Variants in TMEM182 observed in about 807,000 individuals in gnomAD.
TMEM182 encodes transmembrane protein 182.
A neutral mutation model predicts 26.8 loss-of-function variants in TMEM182; 20 were observed. That is an observed-to-expected ratio of 0.75 (90% CI 0.53 to 1.09). The LOEUF (loss-of-function observed/expected upper bound fraction) is 1.09. TMEM182 is among the 50% of genes least tolerant of loss of function. TMEM182 has a pLI of 0.00. For synonymous variants in TMEM182, 109 were observed against 102.2 expected (o/e 1.07, Z -0.40); for missense variants, 277 against 275.5 (o/e 1.01, Z -0.04).
intron 3 of TMEM182, among the ~76,000 whole-genome samples, chr2:102,771,066 G>T (rs887991): frequency 6.6e-6 from 1 of 151,924 alleles, no homozygotes; most frequent in Non-Finnish European, 1.5e-5. Flanking sequence ...GGGTGTTCAT[G>T]TATGGGGATT....
chr2:102,800,859 A>C (rs1682095902), intron 4 of TMEM182, among the ~76,000 whole-genome samples: 1 of 151,146 alleles, frequency 6.6e-6, no homozygotes, highest in East Asian at 1.9e-4. Context: ...GCTTTGAAAA[A>C]AAATTGTTGG....
At chr2:102,811,747 A>G (rs1682562611) in intron 4 of TMEM182, among the ~76,000 whole-genome samples, 2 of 152,220 alleles carry the variant, frequency 1.3e-5, no homozygotes, top group East Asian at 1.9e-4. Context: ...AGTTTAAGCT[A>G]TGGGAGGCCC....
chr2:102,817,719 TC>T, downstream of TMEM182: 2 of 983,408 alleles, frequency 2.0e-6, no homozygotes, highest in Non-Finnish European at 2.4e-6. Context: ...TATCTGTCTA[TC>T]ATCAATATAT....
downstream of TMEM182, among the ~76,000 whole-genome samples, chr2:102,820,770 C>T (rs1682901504): frequency 6.6e-6 from 1 of 152,120 alleles, no homozygotes; most frequent in South Asian, 2.1e-4. Context: ...CAGGAAGGGT[C>T]CAATCATTCC....
Position 102,814,922 on chromosome 2 carries a change from G to T in TMEM182, c.644G>T (p.Gly215Val), listed in dbSNP as rs774398171. 8 of 1,613,790 alleles carry T rather than the reference G, an allele frequency of 5.0e-6. No homozygotes were observed. The East Asian group carries it at 1.6e-4, about 31-fold the overall frequency. The change falls in exon 5 of 5, where the codon GGA becomes GTA. Residue 215 changes from glycine to valine, a missense_variant. Gly to Val is a moderately radical substitution (Grantham distance 109). Transcript: ENST00000412401. ...GGGATATTTTTTTCTTTGCTAGCTG[G>T]ATTACTATTTCTGGTTGTTGGATGG... The part of the protein sequence containing the change: ...PAGIFFSLLA[G>V]LLFLVVGWHI...
intron 3 of TMEM182, 75 bp from the exon 4 acceptor site, chr2:102,797,788 G>T: frequency 6.6e-7 from 1 of 1,520,838 alleles, no homozygotes; most frequent in South Asian, 1.3e-5. Context: ...GAAAGCAACT[G>T]ACTGTGACAA....
At chr2:102,792,049 C>CAA (rs1249191907) in intron 3 of TMEM182, among the ~76,000 whole-genome samples, 2 of 150,970 alleles carry the variant, frequency 1.3e-5, no homozygotes, top group African/African-American at 2.4e-5. Context: ...TATACACACA[C>CAA]ACACACACAC....
At chr2:102,753,805 T>A (rs1187768902) in intron 1 of TMEM182, among the ~76,000 whole-genome samples, 2 of 152,252 alleles carry the variant, frequency 1.3e-5, no homozygotes, top group African/African-American at 4.8e-5. Flanking sequence ...AATAGCTGAA[T>A]TTTTACTGAG....
chr2:102,785,996 C>T (rs1681372012), intron 3 of TMEM182, among the ~76,000 whole-genome samples: 1 of 150,054 alleles, frequency 6.7e-6, no homozygotes, highest in South Asian at 2.1e-4. Context: ...ATGTTCCTAT[C>T]ATGGCTTAGT....
chr2:102,777,087 GTTTGTGGCT>G, intron 3 of TMEM182, among the ~76,000 whole-genome samples: 1 of 151,902 alleles, frequency 6.6e-6, no homozygotes, highest in South Asian at 2.1e-4. Flanking sequence ...AATTATCCCA[GTTTGTGGCT>G]TTTCTTTACA....
At chr2:102,739,534 T>C (rs150470661) in intron 1 of TMEM182, among the ~76,000 whole-genome samples, 135 of 152,278 alleles carry the variant, frequency 8.9e-4, no homozygotes, top group African/African-American at 3.0e-3. Flanking sequence ...GTTCTCATGA[T>C]AGTGAGTTAG....
At chr2:102,775,901 A>G (rs1297815956) in intron 3 of TMEM182, among the ~76,000 whole-genome samples, 1 of 152,154 alleles carries the variant, frequency 6.6e-6, no homozygotes, top group Non-Finnish European at 1.5e-5. Flanking sequence ...CACAAATACT[A>G]TGTGTTTTGT....
chr2:102,824,101 T>TA (rs149739993), intron 3 of TMEM182, among the ~76,000 whole-genome samples: 2,026 of 152,294 alleles, frequency 0.013, 45 homozygotes, highest in African/African-American at 0.046. Flanking sequence ...TTGAATTTTT[T>TA]ATTAATAAAA....
At chr2:102,804,642 G>A (rs946655093) in intron 4 of TMEM182, among the ~76,000 whole-genome samples, 1 of 152,136 alleles carries the variant, frequency 6.6e-6, no homozygotes, top group Non-Finnish European at 1.5e-5. Context: ...AGGCTTGCAG[G>A]AGAAAACCAA....
rs1682703307 is a variant in TMEM182 at position 102,815,282 on chromosome 2, A to G, written c.*314A>G. 1.9e-6 allele frequency: 2 copies of G among 1,039,690 alleles called. No homozygotes were observed. Among genetic ancestry groups the G allele is most frequent in the Non-Finnish European group, 2.3e-6 (2 of 866,012 alleles). 64.4% of individuals were successfully genotyped at this position (1,039,690 alleles called of 1,614,324 possible). ...CCTGATAATAGCTTAATACCATGAC[A>G]TGGGGAAAATCTCGATAGATTTGGC... On this transcript the variant is annotated 3_prime_UTR_variant, in exon 5 of 5. Transcript: ENST00000412401.
chr2:102,751,736 C>T (rs947358665), intron 1 of TMEM182, among the ~76,000 whole-genome samples: 2 of 152,222 alleles, frequency 1.3e-5, no homozygotes, highest in South Asian at 2.1e-4. Context: ...CAGGCTGGAA[C>T]TCACTGTCAC....
chr2:102,764,258 C>G, intron 2 of TMEM182, 71 bp from the exon 3 acceptor site: 2 of 1,450,026 alleles, frequency 1.4e-6, no homozygotes, highest in Non-Finnish European at 1.9e-6. Flanking sequence ...CTCTGTATTT[C>G]TGTTCCATTA....
intron 3 of TMEM182, chr2:102,775,033 G>A (rs1016129986): frequency 2.0e-5 from 3 of 151,960 alleles, no homozygotes; most frequent in Non-Finnish European, 4.4e-5. Context: ...CTGACACTTT[G>A]GTATGAGTTA....
upstream of TMEM182, among the ~76,000 whole-genome samples, chr2:102,761,429 A>T (rs1680207690): frequency 6.6e-6 from 1 of 152,212 alleles, no homozygotes; most frequent in South Asian, 2.1e-4. Flanking sequence ...TATAAGACTC[A>T]TGAGGCTGCT....
Sources: gnomAD v4.1 joint callset for allele counts (sites outside exome capture counted in the v4.1 genomes callset) on GRCh38, gnomAD v4.1.1 for gene constraint, MANE v1.5 for transcripts, NCBI Gene and HGNC (gene_info 2026-07-23, HGNC 2026-07-21) for gene names.